The following PCGF6 variants were observed in gnomAD, a reference collection of about 807,000 sequenced individuals.
PCGF6 encodes the protein polycomb group ring finger 6, also known as polycomb group RING finger protein 6.
A neutral mutation model predicts 45.5 loss-of-function variants in PCGF6; 24 were observed. The observed-to-expected ratio is 0.53, with a 90% CI of 0.38 to 0.74. The LOEUF (loss-of-function observed/expected upper bound fraction) is 0.74. PCGF6 is among the 30% of genes least tolerant of loss of function. The pLI, the probability that PCGF6 is intolerant of heterozygous loss-of-function variation, is 0.00. For synonymous variants in PCGF6, 152 were observed against 162.1 expected (o/e 0.94, Z 0.47); for missense variants, 356 against 443.2 (o/e 0.80, Z 1.77).
chr10:103,340,998 G>A (rs2093278485), intron 6 of PCGF6, among the ~76,000 whole-genome samples: 1 of 152,098 alleles, frequency 6.6e-6, no homozygotes. Flanking sequence ...GGGGGTCCAA[G>A]GTGGGCGGAT....
At chr10:103,311,024 C>T (rs754810375) in intron 9 of PCGF6, among the ~76,000 whole-genome samples, 1 of 152,080 alleles carries the variant, frequency 6.6e-6, no homozygotes, top group South Asian at 2.1e-4. Flanking sequence ...TTTGTAAAGA[C>T]GGGACTCGCT....
chr10:103,327,501 A>C (rs572987796), intron 7 of PCGF6, among the ~76,000 whole-genome samples: 3 of 152,278 alleles, frequency 2.0e-5, no homozygotes, highest in South Asian at 4.1e-4. Flanking sequence ...TATCTGATCA[A>C]GGGATTATCA....
chr10:103,322,575 C>T (rs959620975), intron 8 of PCGF6, among the ~76,000 whole-genome samples: 1 of 151,734 alleles, frequency 6.6e-6, no homozygotes, highest in African/African-American at 2.4e-5. Context: ...AATCCCAGTA[C>T]TTTGGGAGGC....
At chr10:103,312,959 T>TCAAAAACAAAAACAAAAACAAAAA (rs144077726) in intron 9 of PCGF6, among the ~76,000 whole-genome samples, 1 of 150,296 alleles carries the variant, frequency 6.7e-6, no homozygotes, top group African/African-American at 2.5e-5. Flanking sequence ...AGACTCCGTC[T>TCAAAAACAAAAACAAAAACAAAAA]CAAAAACAAA....
intron 9 of PCGF6, among the ~76,000 whole-genome samples, chr10:103,307,774 G>A (rs1435989406): frequency 1.3e-5 from 2 of 152,110 alleles, no homozygotes; most frequent in East Asian, 3.9e-4. Flanking sequence ...TGCCTAACCT[G>A]AGTACATTTT....
At chr10:103,319,454 C>T (rs533195448) in intron 8 of PCGF6, among the ~76,000 whole-genome samples, 10 of 152,070 alleles carry the variant, frequency 6.6e-5, no homozygotes, top group Admixed American at 1.3e-4. Context: ...CCTGGCCATA[C>T]ATACTCTTCT....
intron 6 of PCGF6, among the ~76,000 whole-genome samples, chr10:103,342,244 T>C (rs932717670): frequency 8.6e-5 from 13 of 150,830 alleles, no homozygotes; most frequent in African/African-American, 3.2e-4. Flanking sequence ...TTTTTTTTTT[T>C]TTCCTTCAGA....
chr10:103,330,219 G>A (rs1046537504), intron 7 of PCGF6, among the ~76,000 whole-genome samples: 2 of 151,984 alleles, frequency 1.3e-5, no homozygotes, highest in African/African-American at 4.8e-5. Context: ...GGGATTACAG[G>A]CATGCATCAC....
chr10:103,348,524 C>A, intron 3 of PCGF6, 192 bp downstream of exon 3: 1 of 413,336 alleles, frequency 2.4e-6, no homozygotes, highest in Non-Finnish European at 4.3e-6. Context: ...GGGGTTTCAC[C>A]ATGTTGGCCA....
intron 8 of PCGF6, among the ~76,000 whole-genome samples, chr10:103,317,909 T>A (rs1299485420): frequency 6.6e-6 from 1 of 151,288 alleles, no homozygotes; most frequent in African/African-American, 2.4e-5. Flanking sequence ...CAGGCATGCA[T>A]CACCACGCAT....
chr10:103,339,697 G>A (rs1322578044), intron 6 of PCGF6, among the ~76,000 whole-genome samples: 2 of 150,692 alleles, frequency 1.3e-5, no homozygotes, highest in African/African-American at 4.9e-5. Context: ...GGCTGAGGTG[G>A]CAGAATTGCT....
intron 3 of PCGF6, chr10:103,348,370 G>T: frequency 6.3e-6 from 1 of 159,452 alleles, no homozygotes; most frequent in Non-Finnish European, 1.3e-5. Context: ...ACTCTCATCA[G>T]TCTGTCGCCC....
intron 6 of PCGF6, among the ~76,000 whole-genome samples, chr10:103,342,743 T>A (rs1462652898): frequency 6.6e-6 from 1 of 152,202 alleles, no homozygotes; most frequent in Admixed American, 6.6e-5. Context: ...CATACTCATG[T>A]ATGGGTATAC....
At chr10:103,326,343 C>T (rs891283751) in intron 8 of PCGF6, among the ~76,000 whole-genome samples, 191 bp downstream of exon 8, 2 of 146,802 alleles carry the variant, frequency 1.4e-5, no homozygotes, top group East Asian at 2.0e-4. Context: ...GAGCTGAGAT[C>T]GTGCCACTGC....
At chr10:103,342,919 A>ACG (rs72505130) in intron 6 of PCGF6, among the ~76,000 whole-genome samples, 1 of 152,062 alleles carries the variant, frequency 6.6e-6, no homozygotes, top group African/African-American at 2.4e-5. Flanking sequence ...GACATAACAA[A>ACG]TCTCTTGCCT....
Position 103,315,968 on chromosome 10 carries a change from ATGTGTG to A in PCGF6, c.910-1702_910-1697del, listed in dbSNP as rs755606997. Among the ~76,000 whole-genome samples the A allele has an allele frequency of 4.0e-3, 474 of 118,934 alleles. 1 individual carries two copies. Among genetic ancestry groups the A allele is most frequent in the African/African-American group, 0.012 (419 of 33,978 alleles). 78.0% of individuals were successfully genotyped at this position (118,934 alleles called of 152,430 possible). A position where few individuals can be genotyped will look rare whatever the true frequency, so the allele number is the denominator to read the frequency against. The stretch of plus-strand genomic sequence containing the variant: ...TGGGGTTAGAGCCTCAACAGCTTAT[ATGTGTG>A]TGTGTGTGTGTGTGTGTGTGTATAT... On this transcript the variant is annotated intron_variant, in intron 8 of 9. Transcript: ENST00000369847.
chr10:103,329,336 G>A (rs900030762), intron 7 of PCGF6, among the ~76,000 whole-genome samples: 2 of 151,164 alleles, frequency 1.3e-5, no homozygotes, highest in Non-Finnish European at 2.9e-5. Context: ...CACCGCACCC[G>A]GCCCCAATTT....
chr10:103,330,072 TTTTG>T (rs1305340037), intron 7 of PCGF6, among the ~76,000 whole-genome samples: 4 of 150,704 alleles, frequency 2.7e-5, no homozygotes, highest in Admixed American at 2.0e-4. Context: ...CCGGCCTGTT[TTTTG>T]TTTGTTTGTT....
intron 6 of PCGF6, among the ~76,000 whole-genome samples, chr10:103,340,483 C>T (rs1440270241): frequency 1.3e-5 from 2 of 152,080 alleles, no homozygotes; most frequent in Non-Finnish European, 2.9e-5. Context: ...AATGGTGGCA[C>T]ACCCATCACA....
Sources: gnomAD v4.1 joint callset for allele counts (sites outside exome capture counted in the v4.1 genomes callset) on GRCh38, gnomAD v4.1.1 for gene constraint, MANE v1.5 for transcripts, NCBI Gene and HGNC (gene_info 2026-07-23, HGNC 2026-07-21) for gene names.